CLVS1: variants seen among roughly 807,000 people sequenced by gnomAD.
The protein encoded by CLVS1 is clavesin-1.
In CLVS1, 10 loss-of-function variants were observed where a neutral mutation model predicts 33.1. The ratio of observed to expected loss-of-function variants is 0.30; its 90% CI spans 0.19 to 0.51. The LOEUF (loss-of-function observed/expected upper bound fraction) is 0.51. Among genes scored for constraint, CLVS1 ranks in the 20% least tolerant of loss-of-function variants. CLVS1 has a pLI of 0.97. For missense variants in CLVS1, 343 were observed against 433.4 expected (o/e 0.79, Z 1.85); for synonymous variants, 163 against 166.1 (o/e 0.98, Z 0.14).
chr8:61,294,127 G>C (rs905427805), intron 1 of CLVS1, among the ~76,000 whole-genome samples: 37 of 152,126 alleles, frequency 2.4e-4, no homozygotes, highest in African/African-American at 8.9e-4. Context: ...AGGACTGACA[G>C]GGTGTGGATG....
intron 2 of CLVS1, among the ~76,000 whole-genome samples, chr8:61,139,186 G>A (rs1276176584): frequency 6.6e-6 from 1 of 152,136 alleles, no homozygotes; most frequent in Non-Finnish European, 1.5e-5. Flanking sequence ...GCCTGGCGCC[G>A]CCGGTGGCGC....
chr8:60,974,953 C>A, the CLVS1 span, among the ~76,000 whole-genome samples: 1 of 152,172 alleles, frequency 6.6e-6, no homozygotes, highest in African/African-American at 2.4e-5. Flanking sequence ...AGGGCACACC[C>A]TCAGAGGTTA....
chr8:61,483,885 C>CA lies in CLVS1; in HGVS notation c.978-15566dup, dbSNP rs1425866001. On this transcript the variant is annotated intron_variant, in intron 5 of 5. Transcript: ENST00000325897. ...TCAATAGATGCAGAAAAGGCTCCGA[C>CA]AAAATTCAACAACCTTCATGCTGAA... Among the ~76,000 whole-genome samples the CA allele has an allele frequency of 3.3e-5, 5 of 152,222 alleles. No individual in the cohort carries two copies. In the East Asian group the frequency reaches 7.7e-4, roughly 23 times the overall value.
At chr8:61,222,988 G>C (rs370123268) in intron 2 of CLVS1, among the ~76,000 whole-genome samples, 1 of 98,330 alleles carries the variant, frequency 1.0e-5, no homozygotes, top group African/African-American at 4.5e-5. Flanking sequence ...GACTAGGATT[G>C]CAAAAAAAAA....
intron 2 of CLVS1, among the ~76,000 whole-genome samples, chr8:61,322,037 G>A (rs1370104805): frequency 6.6e-6 from 1 of 151,982 alleles, no homozygotes; most frequent in African/African-American, 2.4e-5. Context: ...TCTTTCACCT[G>A]TACCCTAGCT....
At chr8:61,362,909 A>G (rs1813047086) in intron 2 of CLVS1, among the ~76,000 whole-genome samples, 1 of 152,172 alleles carries the variant, frequency 6.6e-6, no homozygotes, top group Non-Finnish European at 1.5e-5. Flanking sequence ...AAGACTCCCG[A>G]TTTCTGAATG....
chr8:61,219,010 G>C (rs905895384), intron 2 of CLVS1, among the ~76,000 whole-genome samples: 15 of 152,172 alleles, frequency 9.9e-5, no homozygotes, highest in African/African-American at 3.4e-4. Flanking sequence ...AGGAGATGAA[G>C]GTAGACAAAG....
chr8:61,436,531 C>T (rs1816337123), intron 3 of CLVS1, among the ~76,000 whole-genome samples: 2 of 152,162 alleles, frequency 1.3e-5, no homozygotes, highest in Admixed American at 6.5e-5. Flanking sequence ...ATCACCATGT[C>T]CCTTGCAAAA....
chr8:60,981,724 A>G, the CLVS1 span, among the ~76,000 whole-genome samples: 7 of 152,346 alleles, frequency 4.6e-5, no homozygotes, highest in Admixed American at 2.6e-4. Context: ...GAGTGGCAGA[A>G]AGTACAGAGG....
At chr8:61,389,125 CT>C (rs1416214153) in intron 3 of CLVS1, among the ~76,000 whole-genome samples, 1 of 152,160 alleles carries the variant, frequency 6.6e-6, no homozygotes, top group Non-Finnish European at 1.5e-5. Flanking sequence ...ACTGTTTATT[CT>C]AATTTTACAC....
At chr8:61,190,687 G>A (rs1807452320) in intron 2 of CLVS1, among the ~76,000 whole-genome samples, 2 of 152,100 alleles carry the variant, frequency 1.3e-5, no homozygotes, top group African/African-American at 4.8e-5. Context: ...AATCATAAAG[G>A]AGATATCACC....
At chr8:60,969,559 C>T in the CLVS1 span, among the ~76,000 whole-genome samples, 2 of 152,198 alleles carry the variant, frequency 1.3e-5, no homozygotes, top group African/African-American at 2.4e-5. Context: ...CCTATCCCAT[C>T]ATGGCCAGGA....
chr8:61,397,842 T>C (rs1814590949), intron 3 of CLVS1, among the ~76,000 whole-genome samples: 1 of 152,184 alleles, frequency 6.6e-6, no homozygotes, highest in African/African-American at 2.4e-5. Flanking sequence ...GGTCCCTCAA[T>C]TTTATCCCAT....
intron 1 of CLVS1, among the ~76,000 whole-genome samples, chr8:61,103,971 G>A (rs778008901): frequency 6.6e-6 from 1 of 152,088 alleles, no homozygotes; most frequent in African/African-American, 2.4e-5. Flanking sequence ...TGGCTTTTTG[G>A]TATTCAGGGT....
At position 61,173,624 on chromosome 8, in the gene CLVS1, G is replaced by A. The variant is rs554641446; in HGVS notation, c.-152+41764G>A. 3.3e-5 allele frequency among the ~76,000 whole-genome samples: 5 copies of A among 152,298 alleles called. 1 individual carries two copies. The South Asian group carries it at 1.0e-3, about 32-fold the overall frequency. On this transcript the variant is annotated intron_variant, in intron 2 of 2. Transcript: ENST00000522621. ...TTGACCCAAAGATCATTCAGGGGAA[G>A]GAGACCCTATGATTATCACAGCATA...
chr8:61,334,910 A>C (rs989942269), intron 2 of CLVS1, among the ~76,000 whole-genome samples: 1 of 152,214 alleles, frequency 6.6e-6, no homozygotes, highest in Admixed American at 6.5e-5. Flanking sequence ...CCAGAGTTTT[A>C]TTATTACTCA....
intron 2 of CLVS1, among the ~76,000 whole-genome samples, chr8:61,177,080 CG>C (rs1179141457): frequency 9.2e-6 from 1 of 108,278 alleles, no homozygotes; most frequent in Non-Finnish European, 1.9e-5. Flanking sequence ...GGCGAGGGGG[CG>C]GGGCGGGGGG....
the CLVS1 span, among the ~76,000 whole-genome samples, chr8:60,986,806 T>C: frequency 2.0e-5 from 3 of 152,212 alleles, no homozygotes; most frequent in Non-Finnish European, 4.4e-5. Flanking sequence ...GGTAACATCG[T>C]ACTGGGCATT....
chr8:61,291,605 G>A (rs1346270997), intron 1 of CLVS1, among the ~76,000 whole-genome samples: 1 of 152,022 alleles, frequency 6.6e-6, no homozygotes, highest in Non-Finnish European at 1.5e-5. Context: ...TTCTTAATAT[G>A]TGGTCAAATT....
Sources: gnomAD v4.1 joint callset for allele counts (sites outside exome capture counted in the v4.1 genomes callset) on GRCh38, gnomAD v4.1.1 for gene constraint, MANE v1.5 for transcripts, NCBI Gene and HGNC (gene_info 2026-07-23, HGNC 2026-07-21) for gene names.